CCSER1: variants seen among roughly 807,000 people sequenced by gnomAD.
The protein encoded by CCSER1 is coiled-coil serine rich protein 1.
CCSER1 carries 41 observed loss-of-function variants against 82.0 expected under a neutral mutation model. That is an observed-to-expected ratio of 0.50 (90% confidence interval 0.39 to 0.65). The LOEUF (loss-of-function observed/expected upper bound fraction) is 0.65, where lower values mean the gene tolerates loss of function less well. Ranked by LOEUF, CCSER1 falls within the 30% of genes least tolerant of loss-of-function variation. CCSER1 has a pLI of 0.00. For synonymous variants in CCSER1, 414 were observed against 383.9 expected, an observed-to-expected ratio of 1.08 and a Z score of -0.92; for missense variants, 1,119 against 1,064.2, an observed-to-expected ratio of 1.05 and a Z score of -0.72.
intron 5 of CCSER1, among the ~76,000 whole-genome samples, chr4:90,618,205 C>G (rs1721656341): frequency 6.6e-6 from 1 of 151,970 alleles, no homozygotes; most frequent in African/African-American, 2.4e-5. Flanking sequence ...AGCACCAAGT[C>G]TTTACCTTTG....
intron 6 of CCSER1, among the ~76,000 whole-genome samples, chr4:90,710,803 G>T (rs1241121053): frequency 1.3e-5 from 2 of 151,868 alleles, no homozygotes; most frequent in African/African-American, 2.4e-5. Context: ...GGATTGTCTT[G>T]GCTATTTATG....
chr4:90,950,209 C>A (rs1732742804), intron 9 of CCSER1, among the ~76,000 whole-genome samples: 1 of 152,086 alleles, frequency 6.6e-6, no homozygotes, highest in African/African-American at 2.4e-5. Context: ...AGTCAATAGA[C>A]ATCCTTGGTA....
At chr4:91,176,131 T>C (rs530402048) in intron 10 of CCSER1, among the ~76,000 whole-genome samples, 6 of 152,226 alleles carry the variant, frequency 3.9e-5, no homozygotes, top group Non-Finnish European at 2.9e-5. Flanking sequence ...GATCAGATGG[T>C]TGTAGATGTG....
At chr4:91,005,134 G>A (rs775166138) in intron 9 of CCSER1, among the ~76,000 whole-genome samples, 3 of 152,110 alleles carry the variant, frequency 2.0e-5, no homozygotes, top group Non-Finnish European at 2.9e-5. Flanking sequence ...CTTGTCCACT[G>A]TTATCTACCT....
At chr4:91,560,739 T>A (rs1351054845) in intron 10 of CCSER1, among the ~76,000 whole-genome samples, 1 of 151,450 alleles carries the variant, frequency 6.6e-6, no homozygotes, top group East Asian at 1.9e-4. Context: ...TCTAGCCTAC[T>A]TTTCCTGTGA....
intron 3 of CCSER1, among the ~76,000 whole-genome samples, chr4:90,315,920 A>T (rs1551794): frequency 0.31 from 46,553 of 152,180 alleles, 7,728 homozygotes; most frequent in African/African-American, 0.43. Context: ...GAAACAAGTG[A>T]TGTATATTTG....
chr4:90,550,796 G>A (rs756187516), intron 5 of CCSER1, among the ~76,000 whole-genome samples: 3 of 152,140 alleles, frequency 2.0e-5, no homozygotes, highest in Non-Finnish European at 2.9e-5. Flanking sequence ...AATGCTGGGG[G>A]TGGGTGGAAT....
At position 91,203,508 on chromosome 4, in the gene CCSER1, A is replaced by AAC. The variant is rs1222027574; in HGVS notation, c.2217+117528_2217+117529dup. Among the ~76,000 whole-genome samples, 29 of 151,474 alleles carry AAC rather than the reference A, an allele frequency of 1.9e-4. No individual in the cohort carries two copies. The South Asian group carries it at 4.8e-3, about 25-fold the overall frequency. ...TTCTAGAGGAATTAGATAGATAATA[A>AAC]ACACACACACACACATACATGTGTC... On this transcript the variant is annotated intron_variant, in intron 10 of 10. Transcript: ENST00000509176.
intron 8 of CCSER1, among the ~76,000 whole-genome samples, chr4:90,839,304 AAC>A (rs763613990): frequency 1.3e-5 from 2 of 152,240 alleles, no homozygotes; most frequent in Admixed American, 6.5e-5. Flanking sequence ...AAGTTTATCA[AAC>A]GTGTAAGAAC....
rs527356522 is a variant in CCSER1, at chr4:90,314,991, CA to C, written c.1509+1945del. On this transcript the variant is annotated intron_variant, in intron 3 of 10. Coordinates refer to ENST00000509176, the MANE Select transcript of CCSER1 (RefSeq NM_001145065.2). Reference sequence around the variant, plus strand: ...CCTCCCGAGTACCTGGGATTACAGGCACCTGCCACCATGCACAGATAATTTT... The same window carrying C: ...CCTCCCGAGTACCTGGGATTACAGGCCCTGCCACCATGCACAGATAATTTT... Among the ~76,000 whole-genome samples, 431 of 151,588 alleles carry C rather than the reference CA, an allele frequency of 2.8e-3. 2 individuals carry two copies. Among genetic ancestry groups the C allele is most frequent in the African/African-American group, 0.01 (418 of 41,368 alleles).
At chr4:91,478,329 GT>G (rs1757703838) in intron 10 of CCSER1, among the ~76,000 whole-genome samples, 2 of 151,870 alleles carry the variant, frequency 1.3e-5, no homozygotes, top group African/African-American at 4.8e-5. Context: ...TCAAGAGTCT[GT>G]TTTTATTAAT....
chr4:90,159,208 A>T (rs1728954238), intron 1 of CCSER1, among the ~76,000 whole-genome samples: 1 of 151,840 alleles, frequency 6.6e-6, no homozygotes, highest in Admixed American at 6.6e-5. Flanking sequence ...TAATTTTATT[A>T]TTATTATTAT....
intron 10 of CCSER1, among the ~76,000 whole-genome samples, chr4:91,569,993 G>A (rs1434424601): frequency 6.6e-6 from 1 of 152,080 alleles, no homozygotes; most frequent in African/African-American, 2.4e-5. Flanking sequence ...AAAGGCACTG[G>A]GTAAATACAC....
chr4:90,460,324 C>CAAAAAAAAAAAAAAAAAAA (rs751331396), intron 4 of CCSER1, among the ~76,000 whole-genome samples: 58 of 32,608 alleles, frequency 1.8e-3, no homozygotes, highest in African/African-American at 3.1e-3. Flanking sequence ...AACTCCGTCT[C>CAAAAAAAAAAAAAAAAAAA]AAAAAAAAAA....
chr4:91,490,651 A>G (rs538939819), intron 10 of CCSER1, among the ~76,000 whole-genome samples: 3 of 151,374 alleles, frequency 2.0e-5, no homozygotes, highest in East Asian at 3.9e-4. Context: ...ATAGTTAGGT[A>G]GAACGAATAC....
intron 1 of CCSER1, among the ~76,000 whole-genome samples, chr4:90,169,887 C>A (rs1207450427): frequency 6.6e-6 from 1 of 151,886 alleles, no homozygotes; most frequent in Admixed American, 6.6e-5. Flanking sequence ...CCTTTTCATG[C>A]CATTTTCCAG....
intron 10 of CCSER1, among the ~76,000 whole-genome samples, chr4:91,421,819 A>C (rs1056688563): frequency 2.3e-4 from 35 of 151,820 alleles, no homozygotes; most frequent in African/African-American, 7.7e-4. Context: ...AAAAAAAAAA[A>C]CCACAATGAG....
At chr4:91,573,064 G>A (rs1276129615) in intron 10 of CCSER1, among the ~76,000 whole-genome samples, 1 of 152,198 alleles carries the variant, frequency 6.6e-6, no homozygotes, top group Admixed American at 6.5e-5. Context: ...CCTTCCCAGT[G>A]AGGTGGAACG....
intron 10 of CCSER1, among the ~76,000 whole-genome samples, chr4:91,187,591 G>A (rs992367552): frequency 4.0e-5 from 6 of 150,116 alleles, no homozygotes; most frequent in African/African-American, 7.4e-5. Flanking sequence ...TGCTCTTATC[G>A]CCCATGCTGG....
Sources: allele counts gnomAD v4.1 joint callset (sites outside exome capture counted in the v4.1 genomes callset), GRCh38; gene constraint gnomAD v4.1.1; transcripts MANE v1.5; gene names NCBI Gene and HGNC (gene_info 2026-07-23, HGNC 2026-07-21).